GRIA1: variants seen among roughly 807,000 people sequenced by gnomAD.
The protein encoded by GRIA1 is glutamate receptor 1.
Under a neutral mutation model 99.2 loss-of-function variants are expected in GRIA1, and 31 were observed. The ratio of observed to expected loss-of-function variants is 0.31; its 90% CI spans 0.23 to 0.42. The LOEUF (loss-of-function observed/expected upper bound fraction) is 0.42, where lower values mean the gene tolerates loss of function less well. Ranked by LOEUF, GRIA1 falls within the 10% of genes least tolerant of loss-of-function variation. GRIA1 has a pLI of 1.00. For synonymous variants in GRIA1, 438 were observed against 432.4 expected (o/e 1.01, Z -0.16); for missense variants, 782 against 1,157.5 (o/e 0.68, Z 4.71).
intron 2 of GRIA1, among the ~76,000 whole-genome samples, chr5:153,546,352 C>T (rs1413833754): frequency 6.6e-6 from 1 of 152,180 alleles, no homozygotes; most frequent in African/African-American, 2.4e-5. Flanking sequence ...GATTATGCAC[C>T]TGGAGCTTTA....
rs554288298 is a variant in GRIA1, at chr5:153,723,674, G to A, written c.1823+17607G>A. Reference sequence around the variant, plus strand: ...GCAGTCTGAGATCAAACTGCAAGGCGGCAGCAAGGCTGGGGGAGGGGCCCC... The same window carrying A: ...GCAGTCTGAGATCAAACTGCAAGGCAGCAGCAAGGCTGGGGGAGGGGCCCC... On this transcript the variant is annotated intron_variant, in intron 11 of 15. Coordinates refer to ENST00000285900, the MANE Select transcript of GRIA1 (RefSeq NM_000827.4). Among the ~76,000 whole-genome samples the A allele has an allele frequency of 5.1e-4, 77 of 152,206 alleles. No homozygotes were observed. In the South Asian group the frequency reaches 9.8e-3, roughly 19 times the overall value.
chr5:153,607,225 T>TATAC (rs1238202754), intron 2 of GRIA1, among the ~76,000 whole-genome samples: 1 of 151,810 alleles, frequency 6.6e-6, no homozygotes, highest in Non-Finnish European at 1.5e-5. Context: ...TCTCACCTTC[T>TATAC]ATACTATTGA....
At chr5:153,726,788 G>C (rs1760569753) in intron 11 of GRIA1, among the ~76,000 whole-genome samples, 1 of 152,194 alleles carries the variant, frequency 6.6e-6, no homozygotes, top group African/African-American at 2.4e-5. Flanking sequence ...TGGATTCACA[G>C]CCGAATTCTA....
At chr5:153,491,051 C>G in intron 1 of GRIA1, 81 bp downstream of exon 1, 1 of 1,293,622 alleles carries the variant, frequency 7.7e-7, no homozygotes, top group Non-Finnish European at 1.1e-6. Flanking sequence ...TGTACCCCCT[C>G]CCCGGTACTG....
chr5:153,713,396 G>T (rs373526300), intron 11 of GRIA1, among the ~76,000 whole-genome samples: 1 of 152,260 alleles, frequency 6.6e-6, no homozygotes, highest in African/African-American at 2.4e-5. Flanking sequence ...AGTGTGCATG[G>T]ACTGTGTGGG....
intron 2 of GRIA1, among the ~76,000 whole-genome samples, chr5:153,533,628 G>T (rs111349759): frequency 1.2e-3 from 181 of 152,296 alleles, no homozygotes; most frequent in African/African-American, 4.2e-3. Context: ...GAAGCATCAG[G>T]TTCCTAGGCT....
intron 14 of GRIA1, among the ~76,000 whole-genome samples, chr5:153,801,047 T>C (rs1279266144): frequency 6.6e-6 from 1 of 152,218 alleles, no homozygotes; most frequent in Non-Finnish European, 1.5e-5. Context: ...TAAACAAAGG[T>C]GTTAGAGCTG....
At chr5:153,514,402 G>T (rs993446576) in intron 2 of GRIA1, among the ~76,000 whole-genome samples, 1 of 152,276 alleles carries the variant, frequency 6.6e-6, no homozygotes, top group African/African-American at 2.4e-5. Context: ...CAATTCTTCT[G>T]CATGTGAATA....
chr5:153,601,881 G>C (rs550398742), intron 2 of GRIA1, among the ~76,000 whole-genome samples: 1 of 152,160 alleles, frequency 6.6e-6, no homozygotes, highest in East Asian at 1.9e-4. Context: ...TATGTGCCTA[G>C]TATTGGCCAG....
chr5:153,692,195 C>T (rs1381744732), intron 8 of GRIA1, among the ~76,000 whole-genome samples: 1 of 152,220 alleles, frequency 6.6e-6, no homozygotes, highest in Non-Finnish European at 1.5e-5. Flanking sequence ...TTGGAAACGA[C>T]ATCCTTGACC....
At chr5:153,512,550 C>A (rs1756198380) in intron 2 of GRIA1, among the ~76,000 whole-genome samples, 1 of 152,226 alleles carries the variant, frequency 6.6e-6, no homozygotes, top group Non-Finnish European at 1.5e-5. Flanking sequence ...AGAGCCCATT[C>A]TAAGTGTGTG....
At chr5:153,653,465 G>T (rs1330198378) in intron 4 of GRIA1, among the ~76,000 whole-genome samples, 1 of 152,150 alleles carries the variant, frequency 6.6e-6, no homozygotes, top group Non-Finnish European at 1.5e-5. Flanking sequence ...GTAAACAATG[G>T]GGAGTCAGTG....
chr5:153,717,106 C>T (rs914325308), intron 11 of GRIA1, among the ~76,000 whole-genome samples: 1 of 152,164 alleles, frequency 6.6e-6, no homozygotes, highest in African/African-American at 2.4e-5. Context: ...TATGGTCTTG[C>T]TGATCCAAAT....
intron 1 of GRIA1, among the ~76,000 whole-genome samples, chr5:153,492,482 G>C (rs571673964): frequency 1.3e-5 from 2 of 152,170 alleles, no homozygotes; most frequent in Admixed American, 6.5e-5. Flanking sequence ...GTGGTCATCT[G>C]GGGGGAAGGG....
chr5:153,631,087 C>A (rs1169694646), intron 2 of GRIA1, among the ~76,000 whole-genome samples: 1 of 152,188 alleles, frequency 6.6e-6, no homozygotes, highest in Admixed American at 6.5e-5. Flanking sequence ...ATTGATTGAA[C>A]CTCTCAATGG....
intron 13 of GRIA1, among the ~76,000 whole-genome samples, chr5:153,791,200 C>T (rs1476715413): frequency 2.0e-5 from 3 of 149,828 alleles, no homozygotes; most frequent in Non-Finnish European, 3.0e-5. Context: ...TTTGGGAGGC[C>T]GAGGCAGGAG....
Position 153,754,105 on chromosome 5 carries a change from G to C in GRIA1, c.1824-10329G>C, listed in dbSNP as rs562097639. Among the ~76,000 whole-genome samples, 4 of 152,282 alleles carry C rather than the reference G, an allele frequency of 2.6e-5. No homozygotes were observed. In the East Asian group the frequency reaches 7.7e-4, roughly 29 times the overall value. ...AGGTGACTCACCAAGTTGTGGAGAT[G>C]GTCAGTGAAAGAGAAAAGGCTCTCA... is the stretch of plus-strand genomic sequence containing the variant. On this transcript the variant is annotated intron_variant, in intron 11 of 15. Coordinates refer to ENST00000285900, the MANE Select transcript of GRIA1 (RefSeq NM_000827.4).
At chr5:153,626,199 A>G (rs1354340577) in intron 2 of GRIA1, among the ~76,000 whole-genome samples, 1 of 152,230 alleles carries the variant, frequency 6.6e-6, no homozygotes, top group Non-Finnish European at 1.5e-5. Context: ...TTAAATGATT[A>G]AAAGTTCTAG....
chr5:153,689,958 A>G (rs1269199531), intron 8 of GRIA1, among the ~76,000 whole-genome samples: 1 of 152,178 alleles, frequency 6.6e-6, no homozygotes, highest in Non-Finnish European at 1.5e-5. Context: ...GAGGCTTTTT[A>G]TCTCTTCAAG....
Sources: gnomAD v4.1 joint callset for allele counts (sites outside exome capture counted in the v4.1 genomes callset) on GRCh38, gnomAD v4.1.1 for gene constraint, MANE v1.5 for transcripts, NCBI Gene and HGNC (gene_info 2026-07-23, HGNC 2026-07-21) for gene names.